The following KCNMA1 variants were observed in gnomAD, a reference collection of about 807,000 sequenced individuals.
KCNMA1 encodes Calcium-activated potassium channel subunit alpha-1.
KCNMA1 carries 29 observed loss-of-function variants against 140.0 expected under a neutral mutation model. That is an observed-to-expected ratio of 0.21 (90% CI 0.15 to 0.28). The LOEUF (loss-of-function observed/expected upper bound fraction) is 0.28. Among genes scored for constraint, KCNMA1 ranks in the 10% least tolerant of loss-of-function variants. The probability of loss-of-function intolerance (pLI) is 1.00; values close to 1 mark genes in which losing one functional copy is unlikely to be tolerated. For missense variants in KCNMA1, 880 were observed against 1,602.2 expected (o/e 0.55, Z 7.70); for synonymous variants, 612 against 611.9 (o/e 1.00, Z 0.00).
chr10:77,125,326 T>C (rs1163750311), intron 5 of KCNMA1, among the ~76,000 whole-genome samples: 1 of 152,180 alleles, frequency 6.6e-6, no homozygotes, highest in African/African-American at 2.4e-5. Flanking sequence ...CTATCTCCTT[T>C]TGGATCTGAT....
At chr10:77,354,679 A>C (rs923161935) in intron 2 of KCNMA1, 9 of 152,196 alleles carry the variant, frequency 5.9e-5, no homozygotes, top group South Asian at 2.1e-4. Context: ...TCATATACTA[A>C]TAAAGAATGG....
At chr10:77,519,743 G>A (rs916356330) in intron 1 of KCNMA1, among the ~76,000 whole-genome samples, 5 of 152,190 alleles carry the variant, frequency 3.3e-5, no homozygotes, top group African/African-American at 7.2e-5. Context: ...ATCCCTTCGT[G>A]AAACACAGAA....
At chr10:77,334,742 TATA>T (rs1449279753) in intron 2 of KCNMA1, among the ~76,000 whole-genome samples, 1 of 152,168 alleles carries the variant, frequency 6.6e-6, no homozygotes, top group East Asian at 1.9e-4. Flanking sequence ...CTGACAGAAA[TATA>T]ATAATGAGAG....
chr10:77,027,099 C>A (rs1374564587), intron 16 of KCNMA1, among the ~76,000 whole-genome samples: 1 of 152,194 alleles, frequency 6.6e-6, no homozygotes, highest in Non-Finnish European at 1.5e-5. Context: ...GCAAAAAAAT[C>A]ATCTCTATTT....
intron 3 of KCNMA1, among the ~76,000 whole-genome samples, chr10:77,235,159 G>C (rs571739135): frequency 6.6e-6 from 1 of 152,276 alleles, no homozygotes; most frequent in Admixed American, 6.5e-5. Context: ...AAATATTAGG[G>C]CTTGGCCTCA....
chr10:77,450,963 C>T (rs1411303339), intron 1 of KCNMA1, among the ~76,000 whole-genome samples: 2 of 152,112 alleles, frequency 1.3e-5, no homozygotes, highest in African/African-American at 4.8e-5. Flanking sequence ...GGGGAGTTCC[C>T]CTGCACATGC....
At chr10:77,485,441 G>A (rs1016823688) in intron 1 of KCNMA1, among the ~76,000 whole-genome samples, 12 of 152,166 alleles carry the variant, frequency 7.9e-5, no homozygotes, top group African/African-American at 2.4e-4. Flanking sequence ...CAGGCTGACC[G>A]AGCGTGTCTG....
intron 1 of KCNMA1, among the ~76,000 whole-genome samples, chr10:77,550,202 G>C: frequency 6.6e-6 from 1 of 152,216 alleles, no homozygotes; most frequent in Non-Finnish European, 1.5e-5. Flanking sequence ...CTGGATGGGA[G>C]AGTGAAGGGT....
chr10:77,310,700 A>C (rs1431195041), intron 2 of KCNMA1, among the ~76,000 whole-genome samples: 1 of 152,198 alleles, frequency 6.6e-6, no homozygotes, highest in Admixed American at 6.5e-5. Flanking sequence ...TAAGATCATG[A>C]ATTGTTAGCG....
intron 1 of KCNMA1, among the ~76,000 whole-genome samples, chr10:77,538,480 C>G (rs2059444029): frequency 6.6e-6 from 1 of 152,160 alleles, no homozygotes. Context: ...ATCATTACCC[C>G]CAGCTGGACT....
intron 1 of KCNMA1, among the ~76,000 whole-genome samples, chr10:77,482,063 T>A (rs560197177): frequency 1.3e-5 from 2 of 152,352 alleles, no homozygotes; most frequent in South Asian, 4.1e-4. Flanking sequence ...TCCTTCAATT[T>A]TATTTAATCA....
downstream of KCNMA1, among the ~76,000 whole-genome samples, chr10:76,882,738 C>T (rs947357387): frequency 5.9e-5 from 9 of 152,186 alleles, no homozygotes; most frequent in Admixed American, 2.0e-4. Flanking sequence ...AGGACAGATT[C>T]TTCACTAATC....
At chr10:77,209,247 C>A (rs560274486) in intron 3 of KCNMA1, among the ~76,000 whole-genome samples, 1 of 152,282 alleles carries the variant, frequency 6.6e-6, no homozygotes, top group South Asian at 2.1e-4. Flanking sequence ...AAAGACCACC[C>A]TCTACAATGT....
chr10:77,117,913 T>C (rs914222098), intron 6 of KCNMA1, among the ~76,000 whole-genome samples: 3 of 152,224 alleles, frequency 2.0e-5, no homozygotes, highest in Admixed American at 6.5e-5. Flanking sequence ...GGTCACATAA[T>C]TGTGATTTGC....
intron 12 of KCNMA1, among the ~76,000 whole-genome samples, chr10:77,083,452 A>T (rs1301668978): frequency 6.6e-6 from 1 of 151,478 alleles, no homozygotes; most frequent in Non-Finnish European, 1.5e-5. Flanking sequence ...CCTTGTGCAC[A>T]AAAAGCACTG....
intron 3 of KCNMA1, among the ~76,000 whole-genome samples, chr10:77,240,336 G>T (rs1424159643): frequency 6.6e-5 from 10 of 152,194 alleles, no homozygotes; most frequent in Non-Finnish European, 1.5e-4. Context: ...TACAGTATTT[G>T]CCTCGAGAAA....
At chr10:77,418,575 C>A (rs569126557) in intron 1 of KCNMA1, among the ~76,000 whole-genome samples, 1 of 152,120 alleles carries the variant, frequency 6.6e-6, no homozygotes, top group Non-Finnish European at 1.5e-5. Context: ...GGCATCCACA[C>A]CCTGTCCCCA....
chr10:77,622,684 A>C (rs2091699411), intron 1 of KCNMA1, among the ~76,000 whole-genome samples: 1 of 152,252 alleles, frequency 6.6e-6, no homozygotes, highest in African/African-American at 2.4e-5. Context: ...AAAGGGGACT[A>C]CATCACAGGA....
At chr10:77,007,307 G>A (rs1335936225) in intron 18 of KCNMA1, among the ~76,000 whole-genome samples, 2 of 152,164 alleles carry the variant, frequency 1.3e-5, no homozygotes, top group Admixed American at 6.6e-5. Flanking sequence ...AACAGGTAAA[G>A]GGATCTTCCA....
Sources: gnomAD v4.1 joint callset for allele counts (sites outside exome capture counted in the v4.1 genomes callset) on GRCh38, gnomAD v4.1.1 for gene constraint, MANE v1.5 for transcripts, NCBI Gene and HGNC (gene_info 2026-07-23, HGNC 2026-07-21) for gene names.